Variants in SMC4 observed in about 807,000 individuals in gnomAD.
SMC4 encodes the protein structural maintenance of chromosomes protein 4.
SMC4 carries 87 observed loss-of-function variants against 145.6 expected under a neutral mutation model. The ratio of observed to expected loss-of-function variants is 0.60; its 90% CI spans 0.50 to 0.71. SMC4 has a LOEUF of 0.71. SMC4 is among the 30% of genes least tolerant of loss of function. The pLI, the probability that SMC4 is intolerant of heterozygous loss-of-function variation, is 0.00. For missense variants in SMC4, 1,447 were observed against 1,537.1 expected (o/e 0.94, Z 0.98); for synonymous variants, 558 against 500.7 (o/e 1.11, Z -1.53).
intron 5 of SMC4, among the ~76,000 whole-genome samples, chr3:160,407,868 T>A (rs937617696): frequency 6.6e-6 from 1 of 152,134 alleles, no homozygotes; most frequent in Non-Finnish European, 1.5e-5. Context: ...GAAATAGATA[T>A]CAAGAAGTCC....
At chr3:160,419,662 GTTTGT>G (rs1403346664) in intron 12 of SMC4, 119 bp downstream of exon 12, 6 of 970,194 alleles carry the variant, frequency 6.2e-6, no homozygotes, top group South Asian at 2.0e-5. Context: ...GATTCATTTT[GTTTGT>G]TTTAAGGCAC....
In SMC4 at chr3:160,426,138, C is replaced by A. The variant is rs1421653456; in HGVS notation, c.2543C>A (p.Ala848Asp). The change falls in exon 17 of 24, where the codon GCT becomes GAT. Residue 848 changes from alanine (A) to aspartate (D), a missense_variant. Ala to Asp is a moderately radical substitution (Grantham distance 126, BLOSUM62 -2). Transcript: ENST00000357388. ...AAGGAACTTGAAGCTAATGTACTTG[C>A]TACAGCCCCTGACAAAAAAAAGCAG... ...QVKELEANVL[A>D]TAPDKKKQKL... The A allele has an allele frequency of 5.6e-6, 9 of 1,608,532 alleles. No individual in the cohort carries two copies. Among genetic ancestry groups the A allele is most frequent in the Non-Finnish European group, 6.8e-6 (8 of 1,176,342 alleles).
At chr3:160,408,269 T>C (rs1331797548) in intron 5 of SMC4, among the ~76,000 whole-genome samples, 1 of 152,198 alleles carries the variant, frequency 6.6e-6, no homozygotes, top group African/African-American at 2.4e-5. Context: ...AAATTTGGAT[T>C]ACATTTGAAT....
rs1402143005 is a variant in SMC4, at chr3:160,416,630, T to TAGCAGA, written c.1437+218_1437+223dup. 4 of 307,792 alleles carry TAGCAGA rather than the reference T, an allele frequency of 1.3e-5. No homozygotes were observed. The East Asian group carries it at 2.1e-4, about 16-fold the overall frequency. 19.1% of individuals were successfully genotyped at this position (307,792 alleles called of 1,614,324 possible). ...TTTACTAAATGAGAGTTTGTAGTAG[T>TAGCAGA]AGCAGAAGGTGTGATGTCAAATACA... On this transcript the variant is annotated intron_variant, in intron 10 of 23. Transcript: ENST00000357388.
Position 160,433,745 on chromosome 3 carries a change from C to CA in SMC4, c.3804dup (p.Tyr1269IlefsTer17), listed in dbSNP as rs1297451656. On this transcript the variant is annotated frameshift_variant, in exon 24 of 24. Coordinates refer to ENST00000357388, the MANE Select transcript of SMC4 (RefSeq NM_001002800.3). LOFTEE classifies it high-confidence loss of function. ...GATAGACTTATTGGAATTTACAAGA[C>CA]ATACAACATAACAAAAAGTGTTGCT... The CA allele has an allele frequency of 6.3e-7, 1 of 1,598,390 alleles. No individual in the cohort carries two copies. The highest frequency in any genetic ancestry group is 1.7e-5 in the Admixed American group (1 of 57,678).
chr3:160,410,705 T>A lies in SMC4; in HGVS notation c.688-1215T>A, dbSNP rs537527628. ...TGAGTAGATTTTCAAATAAGCTGTT[T>A]TGTCCACTGTTATTGAATTGTTTAC... is the stretch of plus-strand genomic sequence containing the variant. On this transcript the variant is annotated intron_variant, in intron 5 of 23. Coordinates refer to ENST00000357388, the MANE Select transcript of SMC4 (RefSeq NM_001002800.3). 1.2e-4 allele frequency among the ~76,000 whole-genome samples: 18 copies of A among 152,310 alleles called. No homozygotes were observed. In the South Asian group the frequency reaches 3.5e-3, roughly 30 times the overall value.
intron 4 of SMC4, 37 bp from the exon 5 acceptor site, chr3:160,404,291 A>C: frequency 3.2e-6 from 5 of 1,566,994 alleles, no homozygotes; most frequent in Non-Finnish European, 3.5e-6. Context: ...ACTTAATACC[A>C]ACAATTGTTT....
Position 160,433,012 on chromosome 3 carries a change from CT to C in SMC4, c.3531-12del. 1 of 1,588,412 alleles carries C rather than the reference CT, an allele frequency of 6.3e-7. No individual in the cohort carries two copies. The highest frequency in any genetic ancestry group is 1.3e-5 in the African/African-American group (1 of 74,350). On this transcript the variant is annotated splice_polypyrimidine_tract_variant and intron_variant, in intron 22 of 23. Transcript: ENST00000357388. ...TTACAGGTAATTTGACTATGATTTT[CT>C]TAATCATTTCAGTGTTCGACCACCT...
At chr3:160,414,570 T>C (rs1576960379) in intron 9 of SMC4, 53 bp downstream of exon 9, 1 of 1,496,658 alleles carries the variant, frequency 6.7e-7, no homozygotes, top group East Asian at 2.3e-5. Flanking sequence ...TCATACCTAG[T>C]TTTCATGGAT....
chr3:160,432,672 GT>G, intron 22 of SMC4, 157 bp downstream of exon 22: 1 of 567,538 alleles, frequency 1.8e-6, no homozygotes, highest in Non-Finnish European at 3.1e-6. Flanking sequence ...TATGCTTGCA[GT>G]TTACAGGGGC....
At chr3:160,417,697 G>T (rs1437743180) in intron 10 of SMC4, 26 bp from the exon 11 acceptor site, 1 of 1,545,606 alleles carries the variant, frequency 6.5e-7, no homozygotes, top group South Asian at 1.1e-5. Flanking sequence ...TATCTGTCCA[G>T]ATTTAATGAA....
chr3:160,425,013 C>T lies in SMC4; in HGVS notation c.2472C>T (p.Ser824=). 7.3e-7 allele frequency: 1 copy of T among 1,360,846 alleles called. No individual in the cohort carries two copies. 84.3% of individuals were successfully genotyped at this position (1,360,846 alleles called of 1,614,324 possible). A position where few individuals can be genotyped will look rare whatever the true frequency, so the allele number is the denominator to read the frequency against. ...MRNTLEKFTA[S]IQRLIEQEEY... ...ACACACTAGAAAAATTTACTGCAAG[C>T]ATCCAGGTATGTGTGTGTGTGTGTG... The change falls in exon 16 of 24, where the codon AGC becomes AGT. Residue 824 remains serine, a synonymous_variant. Coordinates refer to ENST00000357388, the MANE Select transcript of SMC4 (RefSeq NM_001002800.3).
At position 160,433,925 on chromosome 3, in the gene SMC4, TTC is replaced by T. The variant is rs1170393323; in HGVS notation, c.*118_*119del. The T allele has an allele frequency of 2.9e-6, 2 of 701,500 alleles. No individual in the cohort carries two copies. Among genetic ancestry groups the T allele is most frequent in the Admixed American group, 3.6e-5 (1 of 28,034 alleles). The allele number at this position is 701,500 out of a possible 1,614,324, so 43.5% of individuals were successfully genotyped here. On this transcript the variant is annotated 3_prime_UTR_variant, in exon 24 of 24. Transcript: ENST00000357388. The stretch of plus-strand genomic sequence containing the variant: ...CCCTAAACTAGATCATGAAACTGGT[TTC>T]TGTTTTATGCAGTTGTCATTTGTAA...
chr3:160,431,853 G>A (rs750499016), intron 21 of SMC4, 28 bp downstream of exon 21: 3 of 1,577,076 alleles, frequency 1.9e-6, no homozygotes, highest in Non-Finnish European at 2.6e-6. Context: ...ATGTATACTA[G>A]TTGGAGTTCT....
chr3:160,404,605 T>A, intron 5 of SMC4, 101 bp downstream of exon 5: 1 of 1,013,768 alleles, frequency 9.9e-7, no homozygotes, highest in Non-Finnish European at 1.6e-6. Context: ...CTTAAAGTAC[T>A]GTAGCAGCAC....
At chr3:160,401,056 G>A in intron 2 of SMC4, 91 bp downstream of exon 2, 1 of 1,337,230 alleles carries the variant, frequency 7.5e-7, no homozygotes, top group South Asian at 1.9e-5. Context: ...GTTGTTGAGC[G>A]CGGAGTTGAC....
intron 18 of SMC4, among the ~76,000 whole-genome samples, chr3:160,429,898 G>A (rs1979160): frequency 0.15 from 22,699 of 151,406 alleles, 2,164 homozygotes; most frequent in Non-Finnish European, 0.21. Context: ...TGTATTTTTA[G>A]TAGAGACAGG....
Position 160,431,170 on chromosome 3 carries a change from G to A in SMC4, c.3079G>A (p.Glu1027Lys). ...KLEQIDGHIA[E>K]HNSKIKYWHK... ...TGAACAAATAGATGGTCACATTGCT[G>A]AACATAATTCTAAAATAAAATATTG... The change falls in exon 20 of 24, where the codon GAA (glutamate) becomes AAA (lysine). Residue 1027 changes from glutamate to lysine, a missense_variant. Transcript: ENST00000357388. 1 of 1,590,568 alleles carries A rather than the reference G, an allele frequency of 6.3e-7. No individual in the cohort carries two copies.
At position 160,424,884 on chromosome 3, in the gene SMC4, A is replaced by G. The variant is rs1717604680; in HGVS notation, c.2343A>G (p.Ser781=). 5.6e-6 allele frequency: 9 copies of G among 1,613,856 alleles called. No individual in the cohort carries two copies. In the East Asian group the frequency reaches 1.8e-4, roughly 32 times the overall value. Residue 781 remains serine, a synonymous_variant, in exon 16 of 24, where the codon TCA becomes TCG. Coordinates refer to ENST00000357388, the MANE Select transcript of SMC4 (RefSeq NM_001002800.3). ...ISEEEVNKME[S]QLQNDSKKAM... ...CTTTGTAGGTAAACAAAATGGAATCACAGTTGCAAAACGACTCTAAAAAAG... is the reference window on the plus strand; with the variant it reads ...CTTTGTAGGTAAACAAAATGGAATCGCAGTTGCAAAACGACTCTAAAAAAG...
Sources: gnomAD v4.1 joint callset for allele counts (sites outside exome capture counted in the v4.1 genomes callset) on GRCh38, gnomAD v4.1.1 for gene constraint, MANE v1.5 for transcripts, NCBI Gene and HGNC (gene_info 2026-07-23, HGNC 2026-07-21) for gene names.